SLCO3A1: variants seen among roughly 807,000 people sequenced by gnomAD.
The protein encoded by SLCO3A1 is PGE1 transporter.
SLCO3A1 carries 27 observed loss-of-function variants against 63.1 expected under a neutral mutation model. That is an observed-to-expected ratio of 0.43 (90% CI 0.32 to 0.59). The LOEUF is 0.59. Among genes scored for constraint, SLCO3A1 ranks in the 20% least tolerant of loss-of-function variants. The pLI, the probability that SLCO3A1 is intolerant of heterozygous loss-of-function variation, is 0.09. For synonymous variants in SLCO3A1, 473 were observed against 409.9 expected (o/e 1.15, Z -1.86); for missense variants, 773 against 945.8 (o/e 0.82, Z 2.40).
At chr15:92,087,583 A>G (rs1205871005) in intron 2 of SLCO3A1, among the ~76,000 whole-genome samples, 1 of 134,260 alleles carries the variant, frequency 7.4e-6, no homozygotes, top group Non-Finnish European at 1.5e-5. Flanking sequence ...CAATGGCGCT[A>G]TCTTGGCTCA....
At chr15:92,092,335 A>G (rs1752614668) in intron 2 of SLCO3A1, among the ~76,000 whole-genome samples, 1 of 151,798 alleles carries the variant, frequency 6.6e-6, no homozygotes, top group African/African-American at 2.4e-5. Context: ...TGCTTGGGGG[A>G]TTTATTTAAG....
chr15:91,864,980 G>A (rs1283989755), intron 1 of SLCO3A1, among the ~76,000 whole-genome samples: 1 of 152,206 alleles, frequency 6.6e-6, no homozygotes, highest in Non-Finnish European at 1.5e-5. Flanking sequence ...CAAGACCTAG[G>A]CCACTCCTGA....
rs1192955480 is a variant in SLCO3A1 at position 91,906,059 on chromosome 15, T to C, written c.181-9934T>C. ...CGTGGCATCAATGGGATAGTTATCT[T>C]CTCTGGGCTCAGGTTCCTCATCTGT... is the stretch of plus-strand genomic sequence containing the variant. On this transcript the variant is annotated intron_variant, in intron 1 of 9. Coordinates refer to ENST00000318445, the MANE Select transcript of SLCO3A1 (RefSeq NM_013272.4). Among the ~76,000 whole-genome samples, 7 of 152,198 alleles carry C rather than the reference T, an allele frequency of 4.6e-5. No homozygotes were observed. In the East Asian group the frequency reaches 1.3e-3, roughly 29 times the overall value.
At chr15:91,961,381 G>A (rs1156908828) in intron 2 of SLCO3A1, among the ~76,000 whole-genome samples, 1 of 152,232 alleles carries the variant, frequency 6.6e-6, no homozygotes, top group Non-Finnish European at 1.5e-5. Context: ...GAAGGGCATA[G>A]GCAATAGTGG....
intron 2 of SLCO3A1, among the ~76,000 whole-genome samples, chr15:91,978,104 A>T (rs1380648489): frequency 6.6e-6 from 1 of 152,110 alleles, no homozygotes; most frequent in Non-Finnish European, 1.5e-5. Context: ...CCCATCACCC[A>T]TTTCTGGGGA....
At chr15:92,086,263 C>G (rs902054692) in intron 2 of SLCO3A1, among the ~76,000 whole-genome samples, 1 of 152,212 alleles carries the variant, frequency 6.6e-6, no homozygotes, top group Non-Finnish European at 1.5e-5. Context: ...TGTAGGAGAG[C>G]TTCAGATCCT....
chr15:92,033,973 G>A lies in SLCO3A1; in HGVS notation c.647-60908G>A, dbSNP rs1385926749. ...AGTGAGGGAGGGGGAGGAGCAGAAT[G>A]AATGGGGGCGCCATGGCAGATCACG... On this transcript the variant is annotated intron_variant, in intron 2 of 9. Coordinates refer to ENST00000318445, the MANE Select transcript of SLCO3A1 (RefSeq NM_013272.4). The surrounding 1 kb of genome is among the most constrained non-coding windows in gnomAD (Gnocchi z 4.5). 1.3e-5 allele frequency among the ~76,000 whole-genome samples: 2 copies of A among 152,082 alleles called. No homozygotes were observed. Among genetic ancestry groups the A allele is most frequent in the Non-Finnish European group, 2.9e-5 (2 of 68,024 alleles).
chr15:92,018,374 G>A (rs1392401983), intron 2 of SLCO3A1, among the ~76,000 whole-genome samples: 2 of 152,148 alleles, frequency 1.3e-5, no homozygotes, highest in Non-Finnish European at 2.9e-5. Context: ...AGTGACCTTG[G>A]GTGCTTCAGC....
intron 1 of SLCO3A1, among the ~76,000 whole-genome samples, chr15:91,911,245 A>G (rs778489726): frequency 6.6e-6 from 1 of 152,238 alleles, no homozygotes; most frequent in Non-Finnish European, 1.5e-5. Context: ...TGAGGAGGCG[A>G]TAATTTCAAT....
At chr15:91,868,106 C>T (rs1897210121) in intron 1 of SLCO3A1, among the ~76,000 whole-genome samples, 1 of 151,972 alleles carries the variant, frequency 6.6e-6, no homozygotes, top group African/African-American at 2.4e-5. Flanking sequence ...GGCTGGAGTG[C>T]ATTGGTGGGA....
intron 2 of SLCO3A1, among the ~76,000 whole-genome samples, chr15:92,016,258 A>ATTGAT (rs1381678735): frequency 0.018 from 2,212 of 126,220 alleles, 73 homozygotes; most frequent in African/African-American, 0.069. Flanking sequence ...GATAGATTAG[A>ATTGAT]TAGATAGATA....
intron 2 of SLCO3A1, among the ~76,000 whole-genome samples, chr15:92,040,186 C>T (rs747844834): frequency 2.6e-4 from 40 of 152,244 alleles, no homozygotes; most frequent in Middle Eastern, 3.4e-3. Flanking sequence ...ACACGTTCTG[C>T]ACTTGTATCC....
At position 91,897,538 on chromosome 15, in the gene SLCO3A1, C is replaced by T. The variant is rs1898037705; in HGVS notation, c.181-18455C>T. Among the ~76,000 whole-genome samples the T allele has an allele frequency of 1.3e-5, 2 of 152,170 alleles. No homozygotes were observed. Among genetic ancestry groups the T allele is most frequent in the South Asian group, 2.1e-4 (1 of 4,836 alleles). ...TCCTGGTTTTTAAATTTCTTTGGATCAAAATAAAAAACTCAACAGGCTTCT... is the reference window on the plus strand; with the variant it reads ...TCCTGGTTTTTAAATTTCTTTGGATTAAAATAAAAAACTCAACAGGCTTCT... On this transcript the variant is annotated intron_variant, in intron 1 of 9. Coordinates refer to ENST00000318445, the MANE Select transcript of SLCO3A1 (RefSeq NM_013272.4). The surrounding 1 kb of genome is among the most constrained non-coding windows in gnomAD (Gnocchi z 4.7).
At chr15:91,857,201 T>C (rs1052779892) in intron 1 of SLCO3A1, among the ~76,000 whole-genome samples, 4 of 152,040 alleles carry the variant, frequency 2.6e-5, no homozygotes, top group Admixed American at 1.3e-4. Context: ...GGCCATCAAT[T>C]GTTAGGCTAG....
rs79085742 is a variant in SLCO3A1, at chr15:92,076,840, T to A, written c.647-18041T>A. On this transcript the variant is annotated intron_variant, in intron 2 of 9. Coordinates refer to ENST00000318445, the MANE Select transcript of SLCO3A1 (RefSeq NM_013272.4). ...GGGGATGAGTGTGATTTAATATGTT[T>A]TGGGAAGATGAACCGAGTCAAGTAC... Among the ~76,000 whole-genome samples, 668 of 152,250 alleles carry A rather than the reference T, an allele frequency of 4.4e-3. 5 individuals are homozygous for A. Among genetic ancestry groups the A allele is most frequent in the African/African-American group, 0.015 (643 of 41,546 alleles).
chr15:92,096,163 C>T lies in SLCO3A1; in HGVS notation c.745+1184C>T, dbSNP rs28705066. Among the ~76,000 whole-genome samples the T allele has an allele frequency of 6.4e-3, 973 of 152,294 alleles. 11 individuals are homozygous for T. The highest frequency in any genetic ancestry group is 0.022 in the African/African-American group (916 of 41,562). On this transcript the variant is annotated intron_variant, in intron 3 of 9. Transcript: ENST00000318445. ...CCTGGTCTTGGATCATCCCAAGGCT[C>T]AGCTTGGGGAGGATCCACTTCCAAG...
Position 92,012,158 on chromosome 15 carries a change from C to T in SLCO3A1, c.647-82723C>T, listed in dbSNP as rs191708927. ...GTTGCCTTTATGTAATAATCAGTGC[C>T]GTTTATTGCATGAGTGCATCTTCTG... On this transcript the variant is annotated intron_variant, in intron 2 of 9. Coordinates refer to ENST00000318445, the MANE Select transcript of SLCO3A1 (RefSeq NM_013272.4). 7.4e-4 allele frequency among the ~76,000 whole-genome samples: 112 copies of T among 152,290 alleles called. No individual in the cohort carries two copies. In the Middle Eastern group the frequency reaches 0.01, roughly 14 times the overall value.
chr15:92,093,056 G>C (rs1330206621), intron 2 of SLCO3A1, among the ~76,000 whole-genome samples: 1 of 152,154 alleles, frequency 6.6e-6, no homozygotes, highest in Non-Finnish European at 1.5e-5. Context: ...TCCTTCATCA[G>C]ACATCTCCTA....
intron 2 of SLCO3A1, among the ~76,000 whole-genome samples, chr15:91,974,271 A>ATTATTG (rs1048230846): frequency 3.1e-5 from 3 of 98,032 alleles, no homozygotes; most frequent in African/African-American, 9.1e-5. Context: ...TATTGTTATT[A>ATTATTG]TTATTATTAT....
Sources: gnomAD v4.1 joint callset for allele counts (sites outside exome capture counted in the v4.1 genomes callset) on GRCh38, gnomAD v4.1.1 for gene constraint, Gnocchi (gnomAD v3.1) non-coding constraint, MANE v1.5 for transcripts, NCBI Gene and HGNC (gene_info 2026-07-23, HGNC 2026-07-21) for gene names.